The following ZSCAN25 variants were observed in gnomAD, a reference collection of about 807,000 sequenced individuals.
ZSCAN25 encodes zinc finger and SCAN domain containing 25.
In ZSCAN25, 27 loss-of-function variants were observed where a neutral mutation model predicts 38.7. That is an observed-to-expected ratio of 0.70 (90% CI 0.51 to 0.96). The LOEUF is 0.96. Among genes scored for constraint, ZSCAN25 ranks in the 40% least tolerant of loss-of-function variants. ZSCAN25 has a pLI of 0.00. For missense variants in ZSCAN25, 637 were observed against 705.9 expected (o/e 0.90, Z 1.11); for synonymous variants, 273 against 277.7 (o/e 0.98, Z 0.17).
At chr7:99,652,705 G>C in the ZSCAN25 span, 1 of 1,614,096 alleles carries the variant, frequency 6.2e-7, no homozygotes, top group Non-Finnish European at 8.5e-7. Flanking sequence ...TAGCAACTGG[G>C]AATAATCTGA....
At chr7:99,679,083 C>T in the ZSCAN25 span, among the ~76,000 whole-genome samples, 21 of 152,222 alleles carry the variant, frequency 1.4e-4, no homozygotes, top group African/African-American at 5.1e-4. Flanking sequence ...TAATCCTAGC[C>T]TCCCAGAGAC....
chr7:99,655,755 T>C, the ZSCAN25 span, among the ~76,000 whole-genome samples: 1 of 152,222 alleles, frequency 6.6e-6, no homozygotes, highest in African/African-American at 2.4e-5. Context: ...TTTATTTCAT[T>C]GAGCAGTGGT....
the ZSCAN25 span, among the ~76,000 whole-genome samples, chr7:99,645,627 A>C: frequency 3.4e-5 from 5 of 148,770 alleles, no homozygotes; most frequent in African/African-American, 1.2e-4. Flanking sequence ...TTATTTTTTG[A>C]CTCTTTATTA....
chr7:99,687,118 C>T, the ZSCAN25 span, among the ~76,000 whole-genome samples: 15 of 152,352 alleles, frequency 9.8e-5, no homozygotes, highest in African/African-American at 2.9e-4. Context: ...CAGAGTGCCT[C>T]TCCTCCTCCA....
rs374183439 is a variant in ZSCAN25 at position 99,629,768 on chromosome 7, C to T, written c.1383C>T (p.Cys461=). The part of the protein sequence containing the change: ...RTHTGEKPYT[C]ECGKSFSRNA... The stretch of plus-strand genomic sequence containing the variant: ...ACACCGGGGAGAAGCCCTACACCTG[C>T]GAGTGTGGCAAGAGCTTCAGCAGGA... Residue 461 remains cysteine (C), a synonymous_variant, in exon 8 of 8, where the codon TGC becomes TGT. Coordinates refer to ENST00000394152, the MANE Select transcript of ZSCAN25 (RefSeq NM_145115.3). This position sits in a 1 kb window ranked among gnomAD's most constrained non-coding sequence, Gnocchi z 5.6. The T allele has an allele frequency of 2.1e-5, 34 of 1,614,102 alleles. No homozygotes were observed. The highest frequency in any genetic ancestry group is 3.3e-4 in the Middle Eastern group (2 of 6,084).
At chr7:99,638,103 C>T in the ZSCAN25 span, 1 of 832,284 alleles carries the variant, frequency 1.2e-6, no homozygotes, top group Non-Finnish European at 1.8e-6. Flanking sequence ...CAAGCCCTCT[C>T]CCCCCAAACT....
the ZSCAN25 span, among the ~76,000 whole-genome samples, chr7:99,691,722 CT>C: frequency 1.3e-5 from 2 of 152,002 alleles, no homozygotes; most frequent in East Asian, 3.9e-4. Flanking sequence ...GCAACCCCTG[CT>C]TTTTTTTGCT....
At chr7:99,717,252 A>G in the ZSCAN25 span, 13 of 1,613,866 alleles carry the variant, frequency 8.1e-6, no homozygotes, top group Admixed American at 3.3e-5. Context: ...ATACTGGGCA[A>G]TGATAGGGAC....
chr7:99,706,379 G>A, the ZSCAN25 span, among the ~76,000 whole-genome samples: 1 of 152,168 alleles, frequency 6.6e-6, no homozygotes, highest in East Asian at 1.9e-4. Flanking sequence ...TTCTCTCAGG[G>A]CTGAGTCTCC....
At chr7:99,688,818 T>C in the ZSCAN25 span, among the ~76,000 whole-genome samples, 20 of 152,174 alleles carry the variant, frequency 1.3e-4, no homozygotes, top group Admixed American at 3.9e-4. Context: ...ACAAACTGTC[T>C]CTCAGACCAC....
At chr7:99,698,064 T>A in the ZSCAN25 span, among the ~76,000 whole-genome samples, 1 of 80,396 alleles carries the variant, frequency 1.2e-5, no homozygotes, top group African/African-American at 2.8e-5. Context: ...CTGTTTAGTT[T>A]CTTTCTAGCT....
At chr7:99,682,284 C>T in the ZSCAN25 span, among the ~76,000 whole-genome samples, 1 of 152,168 alleles carries the variant, frequency 6.6e-6, no homozygotes, top group African/African-American at 2.4e-5. Flanking sequence ...TTCAGTCTTT[C>T]GTCCACCTTG....
chr7:99,624,744 C>T (rs1350379284), intron 7 of ZSCAN25, among the ~76,000 whole-genome samples: 2 of 152,084 alleles, frequency 1.3e-5, no homozygotes, highest in Non-Finnish European at 2.9e-5. Context: ...GGGCTCAGAG[C>T]CTGGGGGGAT....
the ZSCAN25 span, among the ~76,000 whole-genome samples, chr7:99,693,455 C>T: frequency 6.6e-6 from 1 of 152,258 alleles, no homozygotes; most frequent in Non-Finnish European, 1.5e-5. Flanking sequence ...ACGTTTAAGT[C>T]TGCAGAGGCT....
At chr7:99,684,214 G>C in the ZSCAN25 span, among the ~76,000 whole-genome samples, 1 of 148,758 alleles carries the variant, frequency 6.7e-6, no homozygotes, top group African/African-American at 2.5e-5. Flanking sequence ...CTGTCACCCA[G>C]GCTGGAGTGT....
At chr7:99,707,895 T>G in the ZSCAN25 span, 1 of 1,614,082 alleles carries the variant, frequency 6.2e-7, no homozygotes, top group East Asian at 2.2e-5. Flanking sequence ...GCAAACCTCA[T>G]GCCAATGCAG....
chr7:99,715,714 T>G, the ZSCAN25 span: 1 of 1,613,172 alleles, frequency 6.2e-7, no homozygotes, highest in South Asian at 1.1e-5. Context: ...AAAGCAGTTA[T>G]TTTTAAGAGA....
chr7:99,703,169 A>G, the ZSCAN25 span, among the ~76,000 whole-genome samples: 1 of 152,212 alleles, frequency 6.6e-6, no homozygotes, highest in African/African-American at 2.4e-5. Flanking sequence ...GTTTTTGCAA[A>G]TATCATTTGA....
At chr7:99,679,939 T>C in the ZSCAN25 span, 10 of 1,557,274 alleles carry the variant, frequency 6.4e-6, no homozygotes, top group African/African-American at 2.7e-5. Context: ...GTCTTCCTTT[T>C]AGCTGAGTGC....
Sources: allele counts gnomAD v4.1 joint callset (sites outside exome capture counted in the v4.1 genomes callset), GRCh38; gene constraint gnomAD v4.1.1; non-coding constraint Gnocchi (gnomAD v3.1); transcripts MANE v1.5; gene names NCBI Gene and HGNC (gene_info 2026-07-23, HGNC 2026-07-21).